MED15: variants seen among roughly 807,000 people sequenced by gnomAD.
MED15 encodes mediator of RNA polymerase II transcription subunit 15.
Under a neutral mutation model 118.7 loss-of-function variants are expected in MED15, and 41 were observed. The ratio of observed to expected loss-of-function variants is 0.35; its 90% CI spans 0.27 to 0.45. The LOEUF (loss-of-function observed/expected upper bound fraction) is 0.45. Ranked by LOEUF, MED15 falls within the 20% of genes least tolerant of loss-of-function variation. MED15 has a pLI of 1.00. For missense variants in MED15, 740 were observed against 1,025.5 expected (o/e 0.72, Z 3.80); for synonymous variants, 436 against 413.9 (o/e 1.05, Z -0.65).
At chr22:20,584,607 C>T (rs1385320442) in intron 14 of MED15, 182 bp downstream of exon 14, 9 of 841,362 alleles carry the variant, frequency 1.1e-5, no homozygotes, top group South Asian at 6.8e-5. Flanking sequence ...GAGAAGTCAC[C>T]CTCTGTCTAC....
intron 3 of MED15, chr22:20,552,805 C>CTA (rs1048041795): frequency 2.3e-5 from 7 of 310,568 alleles, no homozygotes; most frequent in Non-Finnish European, 4.3e-5. Flanking sequence ...CTGTAGTGTT[C>CTA]TATTATTTGT....
At chr22:20,538,183 G>A (rs1036574438) in intron 2 of MED15, among the ~76,000 whole-genome samples, 1 of 152,162 alleles carries the variant, frequency 6.6e-6, no homozygotes, top group South Asian at 2.1e-4. Flanking sequence ...TTGGCCCTAC[G>A]CCATCCTCTT....
At chr22:20,578,173 C>G (rs1405420597) in intron 9 of MED15, among the ~76,000 whole-genome samples, 2 of 152,226 alleles carry the variant, frequency 1.3e-5, no homozygotes, top group African/African-American at 4.8e-5. Context: ...GATCCGCCCG[C>G]CTCGGTCTCC....
chr22:20,566,637 CCAGCAGCTG>C lies in MED15; in HGVS notation c.868_876del (p.Leu290_Gln292del). ...AGCCTCCGCCCTCCCAGGCTCTGCC[CCAGCAGCTG>C]CAGCAGATGCATCACACACAGCACC... On this transcript the variant is annotated inframe_deletion, in exon 7 of 18. Coordinates refer to ENST00000263205, the MANE Select transcript of MED15 (RefSeq NM_001003891.3). 1 of 1,614,110 alleles carries C rather than the reference CCAGCAGCTG, an allele frequency of 6.2e-7. No homozygotes were observed. Among genetic ancestry groups the C allele is most frequent in the Non-Finnish European group, 8.5e-7 (1 of 1,180,012 alleles).
chr22:20,521,911 A>G (rs1376780159), intron 1 of MED15, among the ~76,000 whole-genome samples: 1 of 151,706 alleles, frequency 6.6e-6, no homozygotes, highest in East Asian at 2.0e-4. Context: ...TTTTTAGTAG[A>G]GATGGGGTTT....
chr22:20,532,162 G>A (rs915509891), intron 1 of MED15, among the ~76,000 whole-genome samples: 14 of 152,204 alleles, frequency 9.2e-5, no homozygotes, highest in African/African-American at 2.7e-4. Context: ...GAATGGGAAC[G>A]GGAGACAGAG....
Position 20,586,617 on chromosome 22 carries a change from G to A in MED15, c.2280G>A (p.Leu760=), listed in dbSNP as rs547127768. Residue 760 remains leucine (L), a synonymous_variant, in exon 18 of 18, where the codon CTG becomes CTA. Coordinates refer to ENST00000263205, the MANE Select transcript of MED15 (RefSeq NM_001003891.3). ...TGCACCGCTGCATGACCTCCAGGCT[G>A]CTGCAGCTCCCGGACAAGCACTCGG... ...QSVHRCMTSR[L]LQLPDKHSVT... 15 of 1,613,044 alleles carry A rather than the reference G, an allele frequency of 9.3e-6. No individual in the cohort carries two copies. The highest frequency in any genetic ancestry group is 1.6e-4 in the Middle Eastern group (1 of 6,062).
chr22:20,553,768 G>A (rs558415375), intron 4 of MED15, among the ~76,000 whole-genome samples: 3 of 152,260 alleles, frequency 2.0e-5, no homozygotes, highest in African/African-American at 7.2e-5. Context: ...CTACTCAGGA[G>A]GCTGAGGCAT....
At chr22:20,580,731 G>A (rs996040921) in intron 9 of MED15, among the ~76,000 whole-genome samples, 6 of 152,256 alleles carry the variant, frequency 3.9e-5, no homozygotes, top group African/African-American at 1.4e-4. Flanking sequence ...CCGGTGTCTG[G>A]GACATGCCCT....
chr22:20,530,415 GC>G (rs1190197082), intron 1 of MED15, among the ~76,000 whole-genome samples: 1 of 152,154 alleles, frequency 6.6e-6, no homozygotes, highest in African/African-American at 2.4e-5. Context: ...GAATCATCCT[GC>G]CCCCCTGAGG....
At chr22:20,582,448 G>T in intron 9 of MED15, 163 bp from the exon 10 acceptor site, 2 of 1,141,532 alleles carry the variant, frequency 1.8e-6, no homozygotes, top group Non-Finnish European at 1.2e-6. Flanking sequence ...GTGCCAGGCT[G>T]GGGGAGTGTG....
At chr22:20,546,186 T>C (rs1294662255) in intron 2 of MED15, among the ~76,000 whole-genome samples, 1 of 152,224 alleles carries the variant, frequency 6.6e-6, no homozygotes, top group African/African-American at 2.4e-5. Context: ...AGCCCAGCTG[T>C]CCTGCAGCCC....
intron 8 of MED15, among the ~76,000 whole-genome samples, chr22:20,570,579 A>C (rs1367496595): frequency 6.7e-6 from 1 of 150,360 alleles, no homozygotes; most frequent in Non-Finnish European, 1.5e-5. Flanking sequence ...TTTAGTAGAG[A>C]TAGGGTTTCA....
At chr22:20,509,585 GGTGGGGT>G (rs1265772054) in intron 1 of MED15, among the ~76,000 whole-genome samples, 1 of 151,776 alleles carries the variant, frequency 6.6e-6, no homozygotes, top group Non-Finnish European at 1.5e-5. Context: ...GATGGAGGGG[GGTGGGGT>G]GTGGGGTGAA....
intron 3 of MED15, 116 bp downstream of exon 3, chr22:20,551,603 C>A: frequency 1.0e-6 from 1 of 952,766 alleles, no homozygotes; most frequent in Non-Finnish European, 1.7e-6. Context: ...AGGTCTGTGT[C>A]ACCTCACTTG....
At chr22:20,560,904 G>C (rs914869236) in intron 5 of MED15, among the ~76,000 whole-genome samples, 1 of 152,098 alleles carries the variant, frequency 6.6e-6, no homozygotes, top group Admixed American at 6.5e-5. Context: ...AATGTCTGCT[G>C]TGAAGAGTTA....
At position 20,583,095 on chromosome 22, in the gene MED15, C is replaced by A; in HGVS notation, c.1538-18C>A. Reference sequence around the variant, plus strand: ...CCGAGGGTCGAGGGCTGTGGCCTCACCCGCCTGTGTCCTGCAGTGAACCCC... The same window carrying A: ...CCGAGGGTCGAGGGCTGTGGCCTCAACCGCCTGTGTCCTGCAGTGAACCCC... On this transcript the variant is annotated intron_variant, in intron 11 of 17. Coordinates refer to ENST00000263205, the MANE Select transcript of MED15 (RefSeq NM_001003891.3). 2 of 1,571,896 alleles carry A rather than the reference C, an allele frequency of 1.3e-6. No individual in the cohort carries two copies. Among genetic ancestry groups the A allele is most frequent in the African/African-American group, 1.3e-5 (1 of 74,138 alleles).
chr22:20,540,957 G>A (rs1026347355), intron 2 of MED15, among the ~76,000 whole-genome samples: 5 of 152,030 alleles, frequency 3.3e-5, no homozygotes, highest in African/African-American at 1.2e-4. Flanking sequence ...AGCCAGGCGC[G>A]GTGGCTCACA....
chr22:20,582,725 T>C lies in MED15; in HGVS notation c.1387T>C (p.Ser463Pro), dbSNP rs1172850558. 1 of 1,564,078 alleles carries C rather than the reference T, an allele frequency of 6.4e-7. No individual in the cohort carries two copies. Among genetic ancestry groups the C allele is most frequent in the Admixed American group, 1.7e-5 (1 of 58,208 alleles). The stretch of plus-strand genomic sequence containing the variant: ...GTCCCCGCAGCCCGGCCAGCCCAGC[T>C]CACAGCCCAACTCCAACGTCAGGTA... ...QPSPQPGQPS[S>P]QPNSNVSSGP... Residue 463 changes from serine to proline, a missense_variant, in exon 10 of 18, where the codon TCA becomes CCA. Coordinates refer to ENST00000263205, the MANE Select transcript of MED15 (RefSeq NM_001003891.3).
Sources: gnomAD v4.1 joint callset for allele counts (sites outside exome capture counted in the v4.1 genomes callset) on GRCh38, gnomAD v4.1.1 for gene constraint, MANE v1.5 for transcripts, NCBI Gene and HGNC (gene_info 2026-07-23, HGNC 2026-07-21) for gene names.